The following PSD2 variants were observed in gnomAD, a reference collection of about 807,000 sequenced individuals.
PSD2 encodes PH and SEC7 domain-containing protein 2.
Under a neutral mutation model 69.8 loss-of-function variants are expected in PSD2, and 38 were observed. The ratio of observed to expected loss-of-function variants is 0.54; its 90% CI spans 0.42 to 0.71. The LOEUF (loss-of-function observed/expected upper bound fraction) is 0.71, where lower values mean the gene tolerates loss of function less well. PSD2 is among the 30% of genes least tolerant of loss of function. The probability of loss-of-function intolerance (pLI) is 0.00; values close to 1 mark genes in which losing one functional copy is unlikely to be tolerated. For missense variants in PSD2, 943 were observed against 1,014.5 expected, an observed-to-expected ratio of 0.93 and a Z score of 0.96; for synonymous variants, 412 against 423.0, an observed-to-expected ratio of 0.97 and a Z score of 0.32.
intron 1 of PSD2, among the ~76,000 whole-genome samples, chr5:139,799,869 T>A (rs1175588524): frequency 6.6e-6 from 1 of 152,016 alleles, no homozygotes; most frequent in Non-Finnish European, 1.5e-5. Context: ...GTGGGAAGGA[T>A]GAGCTTGTGC....
At chr5:139,762,453 A>G in the PSD2 span, among the ~76,000 whole-genome samples, 1 of 150,840 alleles carries the variant, frequency 6.6e-6, no homozygotes, top group Non-Finnish European at 1.5e-5. Context: ...CGATCCTCCC[A>G]CCTCAGCCTC....
At chr5:139,776,991 G>T in the PSD2 span, among the ~76,000 whole-genome samples, 1 of 152,190 alleles carries the variant, frequency 6.6e-6, no homozygotes, top group Non-Finnish European at 1.5e-5. Flanking sequence ...GACCAAGCTG[G>T]CCTTCTTGTG....
chr5:139,812,851 G>T (rs957861330), intron 2 of PSD2, among the ~76,000 whole-genome samples: 1 of 152,198 alleles, frequency 6.6e-6, no homozygotes, highest in Non-Finnish European at 1.5e-5. Flanking sequence ...GGGGGACGAG[G>T]CCTTACATTC....
chr5:139,813,862 C>A, intron 3 of PSD2, 104 bp downstream of exon 3: 3 of 1,019,970 alleles, frequency 2.9e-6, no homozygotes, highest in Non-Finnish European at 4.2e-6. Flanking sequence ...AGTCAGCATG[C>A]CCTCTTCAAG....
chr5:139,833,848 A>T (rs368808314), intron 8 of PSD2, 57 bp downstream of exon 8: 5 of 1,313,912 alleles, frequency 3.8e-6, no homozygotes, highest in African/African-American at 2.9e-5. Context: ...GATAGAGAGG[A>T]GAGAGGTCTG....
intron 8 of PSD2, 57 bp from the exon 9 acceptor site, chr5:139,835,666 T>C: frequency 1.3e-6 from 2 of 1,546,968 alleles, no homozygotes; most frequent in Non-Finnish European, 1.8e-6. Context: ...TGGTGGTAGA[T>C]GAGGGTTTCT....
chr5:139,821,416 G>A (rs1298529134), intron 5 of PSD2, among the ~76,000 whole-genome samples: 2 of 152,186 alleles, frequency 1.3e-5, no homozygotes, highest in African/African-American at 4.8e-5. Context: ...GGATTTGGTG[G>A]CAACTCAAAC....
At chr5:139,778,926 C>T in the PSD2 span, among the ~76,000 whole-genome samples, 2 of 131,062 alleles carry the variant, frequency 1.5e-5, no homozygotes, top group African/African-American at 5.9e-5. Context: ...GAGCCAATGT[C>T]TCAAAAAAAG....
At chr5:139,744,246 C>T in the PSD2 span, among the ~76,000 whole-genome samples, 2 of 152,180 alleles carry the variant, frequency 1.3e-5, no homozygotes, top group African/African-American at 4.8e-5. Flanking sequence ...ATAAGCTAGA[C>T]GGTGATCCTG....
chr5:139,748,661 G>A, the PSD2 span, among the ~76,000 whole-genome samples: 4 of 152,240 alleles, frequency 2.6e-5, no homozygotes, highest in East Asian at 1.9e-4. Context: ...CAGGCAGCGC[G>A]GGTGCAGACC....
intron 1 of PSD2, 150 bp downstream of exon 1, chr5:139,796,125 C>G (rs1054086212): frequency 1.3e-5 from 2 of 152,236 alleles, no homozygotes; most frequent in Non-Finnish European, 2.9e-5. Flanking sequence ...GCTACATTTC[C>G]AGATCAATTC....
the PSD2 span, among the ~76,000 whole-genome samples, chr5:139,746,380 G>A: frequency 6.6e-6 from 1 of 152,226 alleles, no homozygotes; most frequent in Non-Finnish European, 1.5e-5. The surrounding 1 kb of genome is among the most constrained non-coding windows in gnomAD (Gnocchi z 4.5). Flanking sequence ...TCAACTCAGC[G>A]AAGATTTTTT....
intron 2 of PSD2, 55 bp from the exon 3 acceptor site, chr5:139,813,254 C>T: frequency 7.0e-7 from 1 of 1,433,500 alleles, no homozygotes; most frequent in Non-Finnish European, 9.4e-7. Context: ...TAGTCACCAG[C>T]ACCTGTATGG....
Position 139,817,019 on chromosome 5 carries a change from C to T in PSD2, c.1017-462C>T, listed in dbSNP as rs570384440. Reference sequence around the variant, plus strand: ...CTATCTGGACAACTATGGCAGTCCCCCTGTGGGTCTCCACTCAGCAGGTAG... The same window carrying T: ...CTATCTGGACAACTATGGCAGTCCCTCTGTGGGTCTCCACTCAGCAGGTAG... On this transcript the variant is annotated intron_variant, in intron 4 of 14. Coordinates refer to ENST00000274710, the MANE Select transcript of PSD2 (RefSeq NM_032289.4). 9.2e-5 allele frequency among the ~76,000 whole-genome samples: 14 copies of T among 152,342 alleles called. 1 individual carries two copies. The highest frequency in any genetic ancestry group is 3.3e-4 in the Admixed American group (5 of 15,302).
At chr5:139,759,004 A>G in the PSD2 span, among the ~76,000 whole-genome samples, 1 of 151,934 alleles carries the variant, frequency 6.6e-6, no homozygotes, top group African/African-American at 2.4e-5. Flanking sequence ...GGCCTTCTTA[A>G]TGGATTCTCC....
At chr5:139,790,693 T>C in the PSD2 span, among the ~76,000 whole-genome samples, 6 of 152,176 alleles carry the variant, frequency 3.9e-5, no homozygotes, top group Non-Finnish European at 7.4e-5. Context: ...GGATTTAGCA[T>C]TGTGGCAGTC....
chr5:139,836,813 A>C lies in PSD2; in HGVS notation c.1406A>C (p.Asp469Ala), dbSNP rs1760731940. 6.2e-7 allele frequency: 1 copy of C among 1,613,818 alleles called. No individual in the cohort carries two copies. Among genetic ancestry groups the C allele is most frequent in the Non-Finnish European group, 8.5e-7 (1 of 1,179,780 alleles). ...GCTCAGGCCTAGTACTTCCCTAGTGATGAGGATGAGCTGAGGAAATCCCTG... is the reference window on the plus strand; with the variant it reads ...GCTCAGGCCTAGTACTTCCCTAGTGCTGAGGATGAGCTGAGGAAATCCCTG... ...IKNEKLEWAI[D>A]EDELRKSLSE... The change falls in exon 10 of 15, where the codon GAT (aspartate) becomes GCT (alanine). Residue 469 changes from aspartate to alanine, a missense_variant and splice_region_variant. Around this residue, in one of 3 missense-constraint regions of PSD2, gnomAD observed 312 missense variants for 400.7 expected, o/e 0.78. Coordinates refer to ENST00000274710, the MANE Select transcript of PSD2 (RefSeq NM_032289.4).
Position 139,837,108 on chromosome 5 carries a change from T to A in PSD2, c.1595-60T>A, listed in dbSNP as rs1581740185. The stretch of plus-strand genomic sequence containing the variant: ...ATACAGGTGGACACGTAGTGGGAGG[T>A]GGGGTTGGAGAGACTGCAGAGGGTG... On this transcript the variant is annotated intron_variant, in intron 10 of 14. Coordinates refer to ENST00000274710, the MANE Select transcript of PSD2 (RefSeq NM_032289.4). This position sits in a 1 kb window ranked among gnomAD's most constrained non-coding sequence, Gnocchi z 5.0. 3 of 1,601,948 alleles carry A rather than the reference T, an allele frequency of 1.9e-6. No individual in the cohort carries two copies. In the South Asian group the frequency reaches 3.3e-5, roughly 18 times the overall value.
chr5:139,840,154 A>G lies in PSD2; in HGVS notation c.2096A>G (p.His699Arg). The G allele has an allele frequency of 6.2e-7, 1 of 1,614,120 alleles. No homozygotes were observed. The highest frequency in any genetic ancestry group is 1.7e-4 in the Middle Eastern group (1 of 6,012). ...KEAEEYRLKE[H>R]YLTFEKSRYE... is the part of the protein sequence containing the mutation. ...GCCGAGGAGTACCGGTTGAAGGAGC[A>G]CTATCTCACCTTCGAGGTGAGCCTT... The change falls in exon 14 of 15, where the codon CAC becomes CGC. Residue 699 changes from histidine (H) to arginine (R), a missense_variant. His to Arg is a conservative substitution (Grantham distance 29). Transcript: ENST00000274710.
Sources: gnomAD v4.1 joint callset for allele counts (sites outside exome capture counted in the v4.1 genomes callset) on GRCh38, gnomAD v4.1.1 for gene constraint, gnomAD v4.1.1 regional missense constraint, Gnocchi (gnomAD v3.1) non-coding constraint, MANE v1.5 for transcripts, NCBI Gene and HGNC (gene_info 2026-07-23, HGNC 2026-07-21) for gene names.